Variants in TUBGCP2 observed in about 807,000 individuals in gnomAD.
The protein encoded by TUBGCP2 is gamma-tubulin complex component 2.
A neutral mutation model predicts 92.2 loss-of-function variants in TUBGCP2; 55 were observed. That is an observed-to-expected ratio of 0.60 (90% CI 0.48 to 0.75). TUBGCP2 has a LOEUF of 0.75. TUBGCP2 is among the 30% of genes least tolerant of loss of function. TUBGCP2 has a pLI of 0.00. For missense variants in TUBGCP2, 1,093 were observed against 1,188.9 expected, an observed-to-expected ratio of 0.92 and a Z score of 1.19; for synonymous variants, 533 against 505.2, an observed-to-expected ratio of 1.06 and a Z score of -0.74.
chr10:133,299,702 G>C, intron 3 of TUBGCP2, 99 bp from the exon 4 acceptor site: 1 of 1,073,722 alleles, frequency 9.3e-7, no homozygotes, highest in South Asian at 1.5e-5. Flanking sequence ...CCCCAACCCT[G>C]ACAGGCACCC....
intron 5 of TUBGCP2, among the ~76,000 whole-genome samples, chr10:133,294,908 C>T (rs190070758): frequency 2.6e-5 from 4 of 152,238 alleles, no homozygotes; most frequent in Admixed American, 2.0e-4. Context: ...CCAATAAAAC[C>T]GAGACCCCAA....
At chr10:133,309,784 CGT>C, upstream of TUBGCP2, 1 of 1,612,996 alleles carries the variant, frequency 6.2e-7, no homozygotes, top group East Asian at 2.2e-5. Context: ...AGGGTGCCCG[CGT>C]TTGCCTGCCA....
intron 1 of TUBGCP2, among the ~76,000 whole-genome samples, chr10:133,307,093 G>A (rs1847840504): frequency 6.6e-6 from 1 of 152,252 alleles, no homozygotes. Context: ...CGCCAGAAAT[G>A]CACAGCGTCC....
chr10:133,304,698 A>G (rs1423481924), intron 1 of TUBGCP2, among the ~76,000 whole-genome samples: 1 of 152,248 alleles, frequency 6.6e-6, no homozygotes, highest in Non-Finnish European at 1.5e-5. Context: ...TAGATCATAG[A>G]TATGATTATA....
Position 133,292,548 on chromosome 10 carries a change from C to T in TUBGCP2, c.1165G>A (p.Glu389Lys). Residue 389 changes from glutamate to lysine, a missense_variant, in exon 8 of 18, where the codon GAG becomes AAG. Physicochemically the swap from Glu to Lys is moderately conservative, Grantham distance 56 (BLOSUM62 1). Transcript: ENST00000252936. ...CTGTAGATCCACTTCTCCAGAACCT[C>T]GAAGTAGGGAGCACTGGCCGCCTTG... ...LTKAASAPYF[E>K]VLEKWIYRGI... 2 of 1,614,090 alleles carry T rather than the reference C, an allele frequency of 1.2e-6. No homozygotes were observed. Among genetic ancestry groups the T allele is most frequent in the Non-Finnish European group, 1.7e-6 (2 of 1,179,994 alleles).
At chr10:133,297,371 C>T (rs1454032543) in intron 5 of TUBGCP2, 1 of 443,018 alleles carries the variant, frequency 2.3e-6, no homozygotes. Context: ...GCACTTCAGC[C>T]TGGGCGACAG....
In TUBGCP2 at chr10:133,293,235, G is replaced by A. The variant is rs754107199; in HGVS notation, c.828C>T (p.Phe276=). The A allele has an allele frequency of 1.2e-6, 2 of 1,612,868 alleles. No individual in the cohort carries two copies. Among genetic ancestry groups the A allele is most frequent in the Non-Finnish European group, 1.7e-6 (2 of 1,179,506 alleles). The change falls in exon 7 of 18, where the codon TTC becomes TTT. Residue 276 remains phenylalanine (F), a synonymous_variant. Transcript: ENST00000252936. ...ACTCGAAGGAAGACTTCTCTTCAAT[G>A]AACCTGGAAGAAAAGCTGTCAGACT... ...VAASYSAVTR[F]IEEKSSFEYG...
chr10:133,299,547 A>G lies in TUBGCP2; in HGVS notation c.336T>C (p.Ala112=), dbSNP rs1847583607. 1.2e-6 allele frequency: 2 copies of G among 1,613,828 alleles called. No homozygotes were observed. The highest frequency in any genetic ancestry group is 1.3e-5 in the African/African-American group (1 of 75,028). ...AKERAELAAA[A]VGSSTTSINV... ...TGATGCTGGTGGTACTGCTGCCCAC[A>G]GCAGCGGCTGCAAGCTCAGCTCTTT... The change falls in exon 4 of 18, where the codon GCT becomes GCC. Residue 112 remains alanine (A), a synonymous_variant. Transcript: ENST00000252936.
intron 1 of TUBGCP2, among the ~76,000 whole-genome samples, chr10:133,303,915 G>A (rs553914060): frequency 2.0e-5 from 3 of 152,344 alleles, no homozygotes; most frequent in South Asian, 4.1e-4. Context: ...AGAACACTGC[G>A]TGGGGTCAGG....
chr10:133,309,463 G>T, upstream of TUBGCP2: 1 of 1,612,080 alleles, frequency 6.2e-7, no homozygotes. Flanking sequence ...GAGAAGCCCA[G>T]GTAAGCGAAT....
upstream of TUBGCP2, chr10:133,310,668 T>TCGGC (rs1847971445): frequency 3.9e-6 from 1 of 256,800 alleles, no homozygotes. Flanking sequence ...CCTGCAGCCG[T>TCGGC]CGGCCGTGCT....
intron 8 of TUBGCP2, chr10:133,290,452 C>T (rs1489402906): frequency 1.3e-5 from 2 of 150,902 alleles, no homozygotes; most frequent in Non-Finnish European, 2.9e-5. Flanking sequence ...GAGATCATGC[C>T]ACTGCACTCC....
Position 133,282,244 on chromosome 10 carries a change from G to A in TUBGCP2, c.2388C>T (p.Ala796=), listed in dbSNP as rs1482263475. ...LGLPAGAEER[A]RKELARKHLA... is the part of the protein sequence containing the mutation. ...GCACCTTCCTGGCGAGCTCCTTCCGGGCCCGCTCCTCGGCCCCTGCGGGCA... is the reference window on the plus strand; with the variant it reads ...GCACCTTCCTGGCGAGCTCCTTCCGAGCCCGCTCCTCGGCCCCTGCGGGCA... Residue 796 remains alanine, a synonymous_variant, in exon 16 of 18, where the codon GCC becomes GCT. Coordinates refer to ENST00000252936, the MANE Select transcript of TUBGCP2 (RefSeq NM_006659.4). The A allele has an allele frequency of 1.2e-6, 2 of 1,611,860 alleles. No homozygotes were observed. Among genetic ancestry groups the A allele is most frequent in the African/African-American group, 1.3e-5 (1 of 74,892 alleles).
upstream of TUBGCP2, chr10:133,310,366 G>A (rs541557011): frequency 1.2e-5 from 19 of 1,574,412 alleles, no homozygotes; most frequent in Admixed American, 1.0e-4. Context: ...ATGCATAGAC[G>A]GTCAGACTTA....
At chr10:133,308,955 C>T (rs987976908), upstream of TUBGCP2, 605 of 1,237,310 alleles carry the variant, frequency 4.9e-4, 1 homozygote, top group Non-Finnish European at 5.9e-4. Flanking sequence ...TGCAGTTGCC[C>T]CCCGCGCTGT....
intron 9 of TUBGCP2, 131 bp downstream of exon 9, chr10:133,289,693 A>G (rs1458958599): frequency 5.1e-6 from 6 of 1,181,256 alleles, no homozygotes; most frequent in Non-Finnish European, 2.4e-6. Context: ...TCAGCCCCGC[A>G]TTCACGGACA....
upstream of TUBGCP2, among the ~76,000 whole-genome samples, chr10:133,310,774 A>C (rs1847973509): frequency 6.6e-6 from 1 of 151,348 alleles, no homozygotes; most frequent in South Asian, 2.1e-4. Flanking sequence ...TCCTGCCTAG[A>C]GTGCACTCTG....
At position 133,282,358 on chromosome 10, in the gene TUBGCP2, C is replaced by A; in HGVS notation, c.2290-16G>T. The A allele has an allele frequency of 1.3e-6, 2 of 1,574,582 alleles. No individual in the cohort carries two copies. Among genetic ancestry groups the A allele is most frequent in the South Asian group, 2.3e-5 (2 of 86,022 alleles). ...GTGTAAATTTCTAGGGGGGGAGAGT[C>A]GCAAGGAAATGCTTCTGTTAGTTAC... On this transcript the variant is annotated splice_polypyrimidine_tract_variant and intron_variant, in intron 15 of 17. Transcript: ENST00000252936.
intron 2 of TUBGCP2, among the ~76,000 whole-genome samples, chr10:133,301,305 A>G (rs1436323197): frequency 6.6e-6 from 1 of 152,078 alleles, no homozygotes; most frequent in African/African-American, 2.4e-5. Context: ...TTGTATTTTT[A>G]GTAGCGATGG....
Sources: gnomAD v4.1 joint callset for allele counts (sites outside exome capture counted in the v4.1 genomes callset) on GRCh38, gnomAD v4.1.1 for gene constraint, MANE v1.5 for transcripts, NCBI Gene and HGNC (gene_info 2026-07-23, HGNC 2026-07-21) for gene names.